Variants in TTLL10 observed in about 807,000 individuals in gnomAD.
TTLL10 encodes the protein tubulin tyrosine ligase like 10, also known as inactive polyglycylase TTLL10.
A neutral mutation model predicts 69.0 loss-of-function variants in TTLL10; 61 were observed. That is an observed-to-expected ratio of 0.88 (90% CI 0.72 to 1.09). The LOEUF (loss-of-function observed/expected upper bound fraction) is 1.09, where lower values mean the gene tolerates loss of function less well. Ranked by LOEUF, TTLL10 falls within the 50% of genes least tolerant of loss-of-function variation. The pLI is 0.00. For synonymous variants in TTLL10, 408 were observed against 393.3 expected (o/e 1.04, Z -0.44); for missense variants, 962 against 945.9 (o/e 1.02, Z -0.22).
Position 1,181,745 on chromosome 1 carries a change from GA to G in TTLL10, c.764del (p.Lys255ArgfsTer25), listed in dbSNP as rs750460170. ...CCTCTGTCCCCTGGGCTGCAGGCTGGAAAAGGACGCAGCAGCGCCCGCCCTG... is the reference window on the plus strand; with the variant it reads ...CCTCTGTCCCCTGGGCTGCAGGCTGGAAAGGACGCAGCAGCGCCCGCCCTG... ...KVPGGVQARL[E>X]KDAAAPALED... On this transcript the variant is annotated frameshift_variant, in exon 9 of 16. Coordinates refer to ENST00000379289, the MANE Select transcript of TTLL10 (RefSeq NM_001130045.2). LOFTEE classifies it high-confidence loss of function. The surrounding 1 kb of genome is among the most constrained non-coding windows in gnomAD (Gnocchi z 4.6). 3 of 1,601,806 alleles carry G rather than the reference GA, an allele frequency of 1.9e-6. No homozygotes were observed. The African/African-American group carries it at 4.0e-5, about 21-fold the overall frequency.
chr1:1,175,888 G>T (rs1365576615), intron 3 of TTLL10: 2 of 412,942 alleles, frequency 4.8e-6, no homozygotes, highest in Non-Finnish European at 9.7e-6. Context: ...GAGAGAGGCT[G>T]CCGCTGTGCC....
chr1:1,190,136 C>T lies in TTLL10; in HGVS notation c.1401+5027C>T, dbSNP rs551844373. ...CAAAAAAAAAAAAAAAAGAATTTGT[C>T]CATTTCTTCTAGGTTATCTAATTTG... On this transcript the variant is annotated intron_variant, in intron 13 of 15. Coordinates refer to ENST00000379289, the MANE Select transcript of TTLL10 (RefSeq NM_001130045.2). 1.3e-4 allele frequency among the ~76,000 whole-genome samples: 20 copies of T among 151,118 alleles called. 1 individual carries two copies. In the East Asian group the frequency reaches 3.3e-3, roughly 25 times the overall value.
intron 13 of TTLL10, among the ~76,000 whole-genome samples, chr1:1,193,679 G>A (rs984482663): frequency 8.5e-5 from 13 of 152,100 alleles, no homozygotes; most frequent in Non-Finnish European, 1.3e-4. Flanking sequence ...TGGCCAGGCT[G>A]ATCTCAAACT....
At chr1:1,192,088 G>T (rs778574991) in intron 13 of TTLL10, among the ~76,000 whole-genome samples, 7 of 150,514 alleles carry the variant, frequency 4.7e-5, no homozygotes, top group East Asian at 1.9e-4. Context: ...CCAGATTTTG[G>T]GGGGGGGCCT....
intron 1 of TTLL10, 126 bp downstream of exon 1, chr1:1,174,052 G>T (rs1646811086): frequency 6.6e-6 from 1 of 152,318 alleles, no homozygotes; most frequent in Non-Finnish European, 1.5e-5. Context: ...GACTGGACAG[G>T]GATCGGGTAG....
intron 15 of TTLL10, 60 bp downstream of exon 15, chr1:1,197,246 T>C: frequency 7.4e-7 from 1 of 1,357,054 alleles, no homozygotes; most frequent in South Asian, 1.2e-5. Context: ...AATGCCTACC[T>C]GCCCTCTTCC....
rs1424129935 is a variant in TTLL10, at chr1:1,180,771, C to T, written c.666C>T (p.Leu222=). 6.2e-7 allele frequency: 1 copy of T among 1,608,902 alleles called. No homozygotes were observed. ...ACCAGCTTCCCAACAACAAGCTCCT[C>T]ACCACCAAGATCGGGCTGCTCAGCA... ...LLYQLPNNKL[L]TTKIGLLSTL... is the part of the protein sequence containing the mutation. The change falls in exon 8 of 16, where the codon CTC becomes CTT. Residue 222 remains leucine, a synonymous_variant. Transcript: ENST00000379289.
In TTLL10 at chr1:1,174,309, C is replaced by T. The variant is rs1646816917; in HGVS notation, c.-106C>T. The T allele has an allele frequency of 6.5e-6, 1 of 152,726 alleles. No individual in the cohort carries two copies. The highest frequency in any genetic ancestry group is 1.5e-5 in the Non-Finnish European group (1 of 68,098). 9.5% of individuals were successfully genotyped at this position (152,726 alleles called of 1,614,324 possible). ...GCGGCCTCCGGCCGGGAGGCACCAGCTCTTCGAACAATGTCAGTACCTTCC... is the reference window on the plus strand; with the variant it reads ...GCGGCCTCCGGCCGGGAGGCACCAGTTCTTCGAACAATGTCAGTACCTTCC... On this transcript the variant is annotated 5_prime_UTR_variant, in exon 2 of 16. Coordinates refer to ENST00000379289, the MANE Select transcript of TTLL10 (RefSeq NM_001130045.2).
intron 13 of TTLL10, among the ~76,000 whole-genome samples, chr1:1,193,741 A>G (rs766712053): frequency 2.0e-5 from 3 of 152,216 alleles, no homozygotes; most frequent in Non-Finnish European, 4.4e-5. Flanking sequence ...CTGGGATTAC[A>G]GGCGTGAGCC....
At chr1:1,178,561 CAA>C (rs34552082) in intron 3 of TTLL10, among the ~76,000 whole-genome samples, 10 of 119,268 alleles carry the variant, frequency 8.4e-5, no homozygotes, top group Admixed American at 1.7e-4. Context: ...AGCTCCGTCT[CAA>C]AAAAAAAAAA....
At chr1:1,182,247 C>T in intron 9 of TTLL10, 114 bp from the exon 10 acceptor site, 1 of 895,132 alleles carries the variant, frequency 1.1e-6, no homozygotes, top group East Asian at 2.4e-5. Context: ...GCCGCGGGCG[C>T]CAGGTGCCAC....
Position 1,196,569 on chromosome 1 carries a change from G to A in TTLL10, c.1402-31G>A, listed in dbSNP as rs780412291. The A allele has an allele frequency of 6.3e-5, 96 of 1,516,162 alleles. 1 individual carries two copies. The highest frequency in any genetic ancestry group is 1.7e-4 in the Middle Eastern group (1 of 5,838). 93.9% of individuals were successfully genotyped at this position (1,516,162 alleles called of 1,614,324 possible). A position where few individuals can be genotyped will look rare whatever the true frequency, so the allele number is the denominator to read the frequency against. ...GGGGTGTGATCAGGGCCTACGGGCC[G>A]CAGCCAGGATGCCTCCCTGCCTCCC... On this transcript the variant is annotated intron_variant, in intron 13 of 15. Transcript: ENST00000379289.
At position 1,191,896 on chromosome 1, in the gene TTLL10, C is replaced by T. The variant is rs114772325; in HGVS notation, c.1402-4704C>T. ...GAACACGCCCTTAAGACACAGATCG[C>T]TCCTGCTATTGTTTGTGGCTTAAGA... On this transcript the variant is annotated intron_variant, in intron 13 of 15. Coordinates refer to ENST00000379289, the MANE Select transcript of TTLL10 (RefSeq NM_001130045.2). Among the ~76,000 whole-genome samples, 631 of 152,404 alleles carry T rather than the reference C, an allele frequency of 4.1e-3. 6 individuals are homozygous for T. The highest frequency in any genetic ancestry group is 0.014 in the African/African-American group (603 of 41,600).
At chr1:1,178,120 G>A (rs1176363769) in intron 3 of TTLL10, among the ~76,000 whole-genome samples, 1 of 152,158 alleles carries the variant, frequency 6.6e-6, no homozygotes, top group Admixed American at 6.5e-5. Context: ...AAGGCTTCCT[G>A]CGGGTGAGAT....
intron 4 of TTLL10, 121 bp downstream of exon 4, chr1:1,179,454 G>A: frequency 1.6e-6 from 2 of 1,228,758 alleles, no homozygotes; most frequent in East Asian, 2.5e-5. Context: ...TCCACACATG[G>A]CCATGCCCCG....
Position 1,181,905 on chromosome 1 carries a change from TC to T in TTLL10, c.830+93del. The stretch of plus-strand genomic sequence containing the variant: ...TGAAAAGGAGAAAGCGGGGCGGGGG[TC>T]CCACACAAAGGAAAACCACGAGCTA... On this transcript the variant is annotated intron_variant, in intron 9 of 15. Coordinates refer to ENST00000379289, the MANE Select transcript of TTLL10 (RefSeq NM_001130045.2). The surrounding 1 kb of genome is among the most constrained non-coding windows in gnomAD (Gnocchi z 4.6). The T allele has an allele frequency of 7.7e-7, 1 of 1,290,822 alleles. No homozygotes were observed. The highest frequency in any genetic ancestry group is 1.1e-6 in the Non-Finnish European group (1 of 923,240). The allele number at this position is 1,290,822 out of a possible 1,614,324, so 80.0% of individuals were successfully genotyped here.
In TTLL10 at chr1:1,180,015, G is replaced by A; in HGVS notation, c.200-19G>A. ...GCAGCTCCCGTAGCCACCCCGGTGGGACCCCACCCCGTTCACAGGCCCGGC... is the reference window on the plus strand; with the variant it reads ...GCAGCTCCCGTAGCCACCCCGGTGGAACCCCACCCCGTTCACAGGCCCGGC... On this transcript the variant is annotated intron_variant, in intron 5 of 15. Transcript: ENST00000379289. 6.6e-7 allele frequency: 1 copy of A among 1,507,686 alleles called. No individual in the cohort carries two copies. The highest frequency in any genetic ancestry group is 8.8e-7 in the Non-Finnish European group (1 of 1,131,692). 93.4% of individuals were successfully genotyped at this position (1,507,686 alleles called of 1,614,324 possible). A position where few individuals can be genotyped will look rare whatever the true frequency, so the allele number is the denominator to read the frequency against.
rs1443931728 is a variant in TTLL10 at position 1,182,890 on chromosome 1, A to C, written c.931A>C (p.Ile311Leu). Residue 311 changes from isoleucine (I) to leucine (L), a missense_variant, in exon 11 of 16, where the codon ATC becomes CTC. By Grantham distance (5) the Ile-to-Leu change is conservative. Transcript: ENST00000379289. ...FTLFDETQIW[I>L]CKPTASNQGK... ...GCTCTCTGCAGAAACCCAGATATGG[A>C]TCTGCAAGCCCACAGCCTCCAACCA... 14 of 1,587,046 alleles carry C rather than the reference A, an allele frequency of 8.8e-6. No homozygotes were observed. In the South Asian group the frequency reaches 1.1e-4, roughly 13 times the overall value.
At chr1:1,180,457 G>GGCCCCCCC in intron 6 of TTLL10, 26 bp from the exon 7 acceptor site, 2 of 1,520,726 alleles carry the variant, frequency 1.3e-6, no homozygotes, top group Non-Finnish European at 1.8e-6. Flanking sequence ...CGGCCCCCAG[G>GGCCCCCCC]TCACCCCCGC....
Sources: allele counts gnomAD v4.1 joint callset (sites outside exome capture counted in the v4.1 genomes callset), GRCh38; gene constraint gnomAD v4.1.1; non-coding constraint Gnocchi (gnomAD v3.1); transcripts MANE v1.5; gene names NCBI Gene and HGNC (gene_info 2026-07-23, HGNC 2026-07-21).